Variants in RAD51B observed in about 807,000 individuals in gnomAD.
RAD51B encodes the protein RAD51 paralog B, also known as DNA repair protein RAD51 homolog 2.
In RAD51B, 38 loss-of-function variants were observed where a neutral mutation model predicts 42.2. The ratio of observed to expected loss-of-function variants is 0.90; its 90% CI spans 0.70 to 1.18. RAD51B has a LOEUF of 1.18. Among genes scored for constraint, RAD51B ranks in the 50% most tolerant of loss-of-function variants. RAD51B has a pLI of 0.00. For synonymous variants in RAD51B, 154 were observed against 145.2 expected (o/e 1.06, Z -0.43); for missense variants, 373 against 400.7 (o/e 0.93, Z 0.59).
chr14:68,062,698 ACT>A (rs1192372117), intron 7 of RAD51B, among the ~76,000 whole-genome samples: 1 of 151,726 alleles, frequency 6.6e-6, no homozygotes, highest in Non-Finnish European at 1.5e-5. Flanking sequence ...AATCCTAGCT[ACT>A]CAGGAGGCTG....
intron 7 of RAD51B, among the ~76,000 whole-genome samples, chr14:68,233,462 G>A (rs529500406): frequency 1.7e-4 from 26 of 152,208 alleles, no homozygotes; most frequent in Non-Finnish European, 3.1e-4. Context: ...ATACTATAAG[G>A]TCCATTCTCT....
At chr14:68,358,649 C>T (rs2082956701) in intron 8 of RAD51B, among the ~76,000 whole-genome samples, 2 of 152,080 alleles carry the variant, frequency 1.3e-5, no homozygotes, top group Admixed American at 1.3e-4. Context: ...TTATTGCCCA[C>T]TTGTATAGTA....
chr14:68,585,648 G>A (rs368957862), intron 10 of RAD51B, among the ~76,000 whole-genome samples: 1 of 152,126 alleles, frequency 6.6e-6, no homozygotes, highest in Admixed American at 6.5e-5. Context: ...AAATCAGCTG[G>A]AACAGGGCAG....
At chr14:67,984,739 C>T (rs17192558) in intron 7 of RAD51B, among the ~76,000 whole-genome samples, 26,439 of 152,128 alleles carry the variant, frequency 0.17, 2,498 homozygotes, top group Middle Eastern at 0.35. Context: ...GCCGAGCTGT[C>T]AGTGGTCACC....
intron 10 of RAD51B, among the ~76,000 whole-genome samples, chr14:68,556,865 AC>A (rs1447072489): frequency 1.3e-5 from 2 of 151,630 alleles, no homozygotes; most frequent in Non-Finnish European, 2.9e-5. Context: ...GTTTCCTACC[AC>A]CCCACCCCAC....
rs149892197 is a variant in RAD51B at position 68,650,990 on chromosome 14, C to T, written c.*11+134C>T. ...ATATGAAGAGATACAAATGGCCACA[C>T]ATATCTCAAAGGTTTGGGCACTACT... On this transcript the variant is annotated intron_variant, in intron 11 of 11. Coordinates refer to the RAD51B transcript ENST00000488612. The T allele has an allele frequency of 4.2e-3, 2,410 of 578,584 alleles. 35 individuals are homozygous for T. Among genetic ancestry groups the T allele is most frequent in the African/African-American group, 0.035 (1,867 of 53,784 alleles). The allele number at this position is 578,584 out of a possible 1,614,324, so 35.8% of individuals were successfully genotyped here.
chr14:68,415,837 C>A (rs2084543452), intron 9 of RAD51B, among the ~76,000 whole-genome samples: 1 of 152,160 alleles, frequency 6.6e-6, no homozygotes, highest in Non-Finnish European at 1.5e-5. Context: ...TTACAAACTA[C>A]AAATGGGATT....
intron 8 of RAD51B, among the ~76,000 whole-genome samples, chr14:68,342,935 G>C (rs973714691): frequency 6.6e-6 from 1 of 150,664 alleles, no homozygotes; most frequent in Non-Finnish European, 1.5e-5. Context: ...GGAGTTACCT[G>C]CTCCTTATCT....
intron 4 of RAD51B, among the ~76,000 whole-genome samples, chr14:67,837,153 A>G (rs1432425150): frequency 6.6e-6 from 1 of 151,968 alleles, no homozygotes; most frequent in African/African-American, 2.4e-5. Flanking sequence ...GCACACACAC[A>G]CATACACACA....
chr14:68,268,554 A>G (rs149699219), intron 7 of RAD51B, among the ~76,000 whole-genome samples: 21 of 152,350 alleles, frequency 1.4e-4, no homozygotes, highest in African/African-American at 4.3e-4. Flanking sequence ...CACAATTAGA[A>G]TCATAAACTA....
At chr14:67,861,338 T>G (rs531870030) in intron 4 of RAD51B, among the ~76,000 whole-genome samples, 32 of 152,202 alleles carry the variant, frequency 2.1e-4, no homozygotes, top group Admixed American at 3.3e-4. Flanking sequence ...AAAGAATCAT[T>G]GAACTTAAAA....
At chr14:68,415,231 G>A (rs1276503521) in intron 9 of RAD51B, among the ~76,000 whole-genome samples, 1 of 151,986 alleles carries the variant, frequency 6.6e-6, no homozygotes, top group African/African-American at 2.4e-5. Flanking sequence ...AGCCAAGGTT[G>A]GGAACCTCTG....
intron 7 of RAD51B, among the ~76,000 whole-genome samples, chr14:67,944,791 G>A (rs1274951445): frequency 1.3e-5 from 2 of 152,146 alleles, no homozygotes; most frequent in African/African-American, 4.8e-5. Flanking sequence ...CTGTGTGCCA[G>A]GCAAGCTAAC....
At chr14:68,524,109 C>T (rs912030710) in intron 10 of RAD51B, among the ~76,000 whole-genome samples, 12 of 152,102 alleles carry the variant, frequency 7.9e-5, no homozygotes, top group Non-Finnish European at 1.3e-4. Context: ...CGTCATCCCT[C>T]GGTGGCAGGT....
At chr14:68,246,576 T>C (rs868670139) in intron 7 of RAD51B, among the ~76,000 whole-genome samples, 4 of 152,166 alleles carry the variant, frequency 2.6e-5, no homozygotes, top group Non-Finnish European at 5.9e-5. Flanking sequence ...GCTGGGCTTT[T>C]TCTAGGCAGG....
At chr14:67,912,207 A>T (rs1040712773) in intron 7 of RAD51B, among the ~76,000 whole-genome samples, 3 of 152,172 alleles carry the variant, frequency 2.0e-5, no homozygotes, top group African/African-American at 7.2e-5. Flanking sequence ...TCTGTAATTA[A>T]CTGAGAATGA....
intron 10 of RAD51B, among the ~76,000 whole-genome samples, chr14:68,486,447 C>A (rs1566909918): frequency 6.6e-6 from 1 of 152,148 alleles, no homozygotes; most frequent in Non-Finnish European, 1.5e-5. Context: ...GTCCAAACCC[C>A]ACAGTCATTA....
intron 9 of RAD51B, 126 bp from the exon 10 acceptor site, chr14:68,468,046 T>C: frequency 2.5e-6 from 2 of 792,798 alleles, no homozygotes; most frequent in South Asian, 3.4e-5. Flanking sequence ...TGGTTTTTTT[T>C]TTTTTAAATA....
intron 8 of RAD51B, among the ~76,000 whole-genome samples, chr14:68,344,385 C>T (rs971252387): frequency 6.6e-6 from 1 of 152,206 alleles, no homozygotes; most frequent in Admixed American, 6.5e-5. Flanking sequence ...TAGTGGCTCA[C>T]GCCTGTAATC....
Sources: gnomAD v4.1 joint callset for allele counts (sites outside exome capture counted in the v4.1 genomes callset) on GRCh38, gnomAD v4.1.1 for gene constraint, MANE v1.5 for transcripts, NCBI Gene and HGNC (gene_info 2026-07-23, HGNC 2026-07-21) for gene names.